The following DPF3 variants were observed in gnomAD, a reference collection of about 807,000 sequenced individuals.
The protein encoded by DPF3 is zinc finger protein DPF3.
DPF3 carries 18 observed loss-of-function variants against 56.8 expected under a neutral mutation model. That is an observed-to-expected ratio of 0.32 (90% CI 0.22 to 0.47). The LOEUF is 0.47. Ranked by LOEUF, DPF3 falls within the 20% of genes least tolerant of loss-of-function variation. The probability of loss-of-function intolerance (pLI) is 1.00; values close to 1 mark genes in which losing one functional copy is unlikely to be tolerated. For synonymous variants in DPF3, 188 were observed against 180.2 expected, an observed-to-expected ratio of 1.04 and a Z score of -0.35; for missense variants, 403 against 488.8, an observed-to-expected ratio of 0.82 and a Z score of 1.65.
intron 4 of DPF3, among the ~76,000 whole-genome samples, chr14:72,727,404 C>T (rs181048160): frequency 1.4e-4 from 21 of 152,218 alleles, no homozygotes; most frequent in Admixed American, 1.3e-3. Flanking sequence ...GGTGAAACCC[C>T]GTTTCTACTA....
chr14:72,846,421 C>T (rs1231850856), intron 1 of DPF3, among the ~76,000 whole-genome samples: 6 of 150,532 alleles, frequency 4.0e-5, no homozygotes, highest in Admixed American at 2.7e-4. Flanking sequence ...CTGCAAGCTC[C>T]GCCTCCTGGG....
At chr14:72,875,074 A>G (rs937822893) in intron 1 of DPF3, among the ~76,000 whole-genome samples, 1 of 152,212 alleles carries the variant, frequency 6.6e-6, no homozygotes, top group African/African-American at 2.4e-5. Flanking sequence ...ACCCCTGATA[A>G]ACCCACCAGA....
chr14:72,844,180 G>A (rs1318781366), intron 1 of DPF3, among the ~76,000 whole-genome samples: 1 of 152,214 alleles, frequency 6.6e-6, no homozygotes, highest in Non-Finnish European at 1.5e-5. Context: ...ATGCAATGAT[G>A]AGAATCATAC....
chr14:72,731,783 G>T (rs1243325073), intron 4 of DPF3, 24 bp downstream of exon 4: 3 of 1,612,706 alleles, frequency 1.9e-6, no homozygotes, highest in Non-Finnish European at 2.5e-6. Context: ...CACTCTGTGG[G>T]GTCCCCAGCA....
intron 8 of DPF3, among the ~76,000 whole-genome samples, chr14:72,643,153 C>T (rs1457074994): frequency 6.6e-6 from 1 of 152,194 alleles, no homozygotes; most frequent in Non-Finnish European, 1.5e-5. Flanking sequence ...GGATGGCCAA[C>T]CCAAAAGTGG....
intron 2 of DPF3, among the ~76,000 whole-genome samples, chr14:72,766,770 G>A (rs12881291): frequency 0.16 from 25,057 of 152,172 alleles, 2,602 homozygotes; most frequent in East Asian, 0.25. Flanking sequence ...TCTCCTTTAT[G>A]CCTCATATAT....
At position 72,609,202 on chromosome 14, in the gene DPF3, G is replaced by C. The variant is rs1158157862; in HGVS notation, c.*10095C>G. 6.6e-6 allele frequency among the ~76,000 whole-genome samples: 1 copy of C among 152,208 alleles called. No individual in the cohort carries two copies. The highest frequency in any genetic ancestry group is 1.5e-5 in the Non-Finnish European group (1 of 68,034). ...TTGAGAACGTGCGAGCATTCCATGG[G>C]ATATCGAGGGGTCCCAAAGAAGAAG... On this transcript the variant is annotated 3_prime_UTR_variant, in exon 11 of 11. Transcript: ENST00000556509.
rs796373964 is a variant in DPF3, at chr14:72,859,480, C to G, written c.32+34577G>C. ...TCTCTGCAGCTTCCTCCCCCCCCCCCCCCACACCATTCCCCCCTAACCTTC... is the reference window on the plus strand; with the variant it reads ...TCTCTGCAGCTTCCTCCCCCCCCCCGCCCACACCATTCCCCCCTAACCTTC... On this transcript the variant is annotated intron_variant, in intron 1 of 10. Transcript: ENST00000556509. Among the ~76,000 whole-genome samples the G allele has an allele frequency of 6.3e-3, 633 of 100,450 alleles. 13 individuals carry two copies. Among genetic ancestry groups the G allele is most frequent in the African/African-American group, 0.02 (539 of 27,062 alleles). 65.9% of individuals were successfully genotyped at this position (100,450 alleles called of 152,430 possible). A position where few individuals can be genotyped will look rare whatever the true frequency, so the allele number is the denominator to read the frequency against.
rs929973348 is a variant in DPF3, at chr14:72,884,528, C to G, written c.32+9529G>C. Among the ~76,000 whole-genome samples the G allele has an allele frequency of 2.6e-5, 4 of 151,912 alleles. No homozygotes were observed. The South Asian group carries it at 8.3e-4, about 32-fold the overall frequency. The stretch of plus-strand genomic sequence containing the variant: ...ATCCATTATTTCATGTGGGCCGCTG[C>G]GGGGAAGCCAGGCTGGAGGAAGGGG... On this transcript the variant is annotated intron_variant, in intron 1 of 10. Transcript: ENST00000556509.
chr14:72,740,513 T>A (rs1890080088), intron 3 of DPF3, among the ~76,000 whole-genome samples: 1 of 152,144 alleles, frequency 6.6e-6, no homozygotes, highest in Admixed American at 6.5e-5. Flanking sequence ...CAGTAAGCAC[T>A]GGGGAGCAGT....
Position 72,613,431 on chromosome 14 carries a change from C to G in DPF3, c.*5866G>C, listed in dbSNP as rs1335703193. Among the ~76,000 whole-genome samples, 1 of 152,206 alleles carries G rather than the reference C, an allele frequency of 6.6e-6. No individual in the cohort carries two copies. Among genetic ancestry groups the G allele is most frequent in the Non-Finnish European group, 1.5e-5 (1 of 68,036 alleles). On this transcript the variant is annotated 3_prime_UTR_variant, in exon 11 of 11. Transcript: ENST00000556509. The stretch of plus-strand genomic sequence containing the variant: ...GGTTCCTGCCTTCCTCTGGCCTGCC[C>G]TGGGAAATGTCGCCATCAGCAAAAT...
At chr14:72,823,210 A>G (rs1041056902) in intron 1 of DPF3, among the ~76,000 whole-genome samples, 1 of 152,172 alleles carries the variant, frequency 6.6e-6, no homozygotes, top group South Asian at 2.1e-4. Flanking sequence ...AAATCTGCTC[A>G]CCCAAACCTC....
chr14:72,828,199 G>A (rs1483054233), intron 1 of DPF3, among the ~76,000 whole-genome samples: 1 of 152,266 alleles, frequency 6.6e-6, no homozygotes, highest in Admixed American at 6.5e-5. Flanking sequence ...AACAAACAGT[G>A]GTTGAGTACC....
At chr14:72,818,989 C>T (rs1883411806) in intron 1 of DPF3, among the ~76,000 whole-genome samples, 1 of 152,032 alleles carries the variant, frequency 6.6e-6, no homozygotes, top group Non-Finnish European at 1.5e-5. Flanking sequence ...GGATCTATAT[C>T]CAGAATATAT....
At chr14:72,699,608 C>A (rs543049174) in intron 6 of DPF3, among the ~76,000 whole-genome samples, 1 of 151,550 alleles carries the variant, frequency 6.6e-6, no homozygotes, top group Non-Finnish European at 1.5e-5. Flanking sequence ...GGTTTCAAGA[C>A]GACAGTAACA....
At chr14:72,759,243 C>T (rs534428655) in intron 2 of DPF3, among the ~76,000 whole-genome samples, 1 of 151,938 alleles carries the variant, frequency 6.6e-6, no homozygotes, top group East Asian at 1.9e-4. Context: ...GCAATAGAAA[C>T]TATTCCAAAA....
intron 8 of DPF3, among the ~76,000 whole-genome samples, chr14:72,640,924 C>T (rs1885540816): frequency 6.6e-6 from 1 of 151,954 alleles, no homozygotes; most frequent in South Asian, 2.1e-4. Flanking sequence ...ATAAAAAGGA[C>T]CTAGTTAGGG....
intron 1 of DPF3, among the ~76,000 whole-genome samples, chr14:72,834,329 T>C (rs1474730492): frequency 6.6e-6 from 1 of 151,706 alleles, no homozygotes; most frequent in African/African-American, 2.4e-5. Flanking sequence ...AAATCCCATC[T>C]CTACTAAAAA....
At chr14:72,875,067 C>T (rs1886060823) in intron 1 of DPF3, among the ~76,000 whole-genome samples, 2 of 152,122 alleles carry the variant, frequency 1.3e-5, no homozygotes, top group Non-Finnish European at 2.9e-5. Flanking sequence ...AGCTGAAACC[C>T]CTGATAAACC....
Sources: allele counts gnomAD v4.1 joint callset (sites outside exome capture counted in the v4.1 genomes callset), GRCh38; gene constraint gnomAD v4.1.1; transcripts MANE v1.5; gene names NCBI Gene and HGNC (gene_info 2026-07-23, HGNC 2026-07-21).